Variants in NCKAP5 observed in about 807,000 individuals in gnomAD.
The protein encoded by NCKAP5 is nck-associated protein 5.
A neutral mutation model predicts 167.0 loss-of-function variants in NCKAP5; 92 were observed. The ratio of observed to expected loss-of-function variants is 0.55; its 90% confidence interval spans 0.47 to 0.66. The LOEUF (loss-of-function observed/expected upper bound fraction) is 0.66, where lower values mean the gene tolerates loss of function less well. Among genes scored for constraint, NCKAP5 ranks in the 30% least tolerant of loss-of-function variants. The pLI is 0.00. For synonymous variants in NCKAP5, 891 were observed against 877.4 expected (o/e 1.02, Z -0.27); for missense variants, 2,378 against 2,315.0 (o/e 1.03, Z -0.56).
chr2:133,349,028 C>G (rs371433056), intron 3 of NCKAP5, among the ~76,000 whole-genome samples: 4 of 152,220 alleles, frequency 2.6e-5, no homozygotes, highest in South Asian at 2.1e-4. Flanking sequence ...TTCCCAAAAG[C>G]AGCTTACTTT....
At chr2:133,670,960 A>C in the NCKAP5 span, among the ~76,000 whole-genome samples, 1 of 152,180 alleles carries the variant, frequency 6.6e-6, no homozygotes, top group South Asian at 2.1e-4. Flanking sequence ...TCACGCCTGT[A>C]ATCCCAGCAC....
Position 133,147,319 on chromosome 2 carries a change from TC to T in NCKAP5, c.208-17209del, listed in dbSNP as rs146109354. On this transcript the variant is annotated intron_variant, in intron 5 of 19. Coordinates refer to ENST00000409261, the MANE Select transcript of NCKAP5 (RefSeq NM_207363.3). ...CTAAAGCCCTGTCACGGGCACCGCA[TC>T]TTGCGTGCTAATGTTCTCTGGACTT... Among the ~76,000 whole-genome samples, 1,212 of 152,312 alleles carry T rather than the reference TC, an allele frequency of 8.0e-3. 19 individuals carry two copies. The highest frequency in any genetic ancestry group is 0.028 in the African/African-American group (1,157 of 41,568).
At chr2:133,656,388 C>T in the NCKAP5 span, among the ~76,000 whole-genome samples, 1 of 152,178 alleles carries the variant, frequency 6.6e-6, no homozygotes, top group Non-Finnish European at 1.5e-5. Flanking sequence ...CAATGCCTGA[C>T]ACTCGCTAAG....
chr2:132,786,910 C>T (rs1280162262), intron 13 of NCKAP5, among the ~76,000 whole-genome samples: 1 of 152,176 alleles, frequency 6.6e-6, no homozygotes, highest in East Asian at 1.9e-4. Context: ...GCTTGCAGTC[C>T]TAACTGATGC....
chr2:133,506,160 G>A (rs1682987950), intron 3 of NCKAP5, among the ~76,000 whole-genome samples: 1 of 152,220 alleles, frequency 6.6e-6, no homozygotes. Context: ...CAGGACTGTT[G>A]AAGAGAACAC....
chr2:133,596,768 T>C, the NCKAP5 span, among the ~76,000 whole-genome samples: 2 of 126,860 alleles, frequency 1.6e-5, no homozygotes, highest in African/African-American at 7.4e-5. Context: ...CTGGAGCTGT[T>C]ATGAAAAATA....
intron 6 of NCKAP5, among the ~76,000 whole-genome samples, chr2:133,005,127 C>T (rs1026125860): frequency 2.6e-5 from 4 of 152,082 alleles, no homozygotes; most frequent in East Asian, 1.9e-4. Context: ...ATCACAGGGT[C>T]CTGAGGCAAC....
the NCKAP5 span, among the ~76,000 whole-genome samples, chr2:133,605,547 G>A: frequency 6.6e-6 from 1 of 152,170 alleles, no homozygotes; most frequent in Admixed American, 6.5e-5. Flanking sequence ...TGCTAACTTG[G>A]TAGAATAGCT....
intron 3 of NCKAP5, among the ~76,000 whole-genome samples, chr2:133,512,718 GA>G (rs1683601754): frequency 6.6e-6 from 1 of 152,194 alleles, no homozygotes. Flanking sequence ...TTCCCTGGGA[GA>G]AAAAATTCAG....
chr2:133,311,286 C>T (rs1681212192), intron 3 of NCKAP5, among the ~76,000 whole-genome samples: 1 of 152,196 alleles, frequency 6.6e-6, no homozygotes, highest in African/African-American at 2.4e-5. Flanking sequence ...TAGGTTTACC[C>T]ATTTATTGTA....
chr2:133,586,019 G>A, the NCKAP5 span, among the ~76,000 whole-genome samples: 1 of 152,206 alleles, frequency 6.6e-6, no homozygotes, highest in Non-Finnish European at 1.5e-5. Flanking sequence ...CTTTGTAAGG[G>A]TCTGGGATTA....
intron 2 of NCKAP5, among the ~76,000 whole-genome samples, chr2:133,532,986 T>C (rs979307059): frequency 6.6e-6 from 1 of 152,226 alleles, no homozygotes; most frequent in African/African-American, 2.4e-5. Context: ...TTGATTCTCT[T>C]ACATAATCAG....
chr2:132,697,324 T>C (rs935953488), intron 19 of NCKAP5, among the ~76,000 whole-genome samples: 7 of 152,208 alleles, frequency 4.6e-5, no homozygotes, highest in Admixed American at 3.3e-4. Flanking sequence ...GCCACTTGAG[T>C]TTACATCATA....
intron 2 of NCKAP5, among the ~76,000 whole-genome samples, chr2:133,534,151 C>A (rs949078731): frequency 1.6e-4 from 24 of 152,150 alleles, no homozygotes; most frequent in African/African-American, 5.8e-4. Flanking sequence ...GGTTCCATAA[C>A]TACCTGTATA....
intron 19 of NCKAP5, among the ~76,000 whole-genome samples, chr2:132,692,181 T>C (rs189696789): frequency 2.0e-3 from 306 of 150,558 alleles, no homozygotes; most frequent in African/African-American, 7.3e-3. Context: ...CTCACTCTAT[T>C]GCCCAGGCTG....
intron 3 of NCKAP5, among the ~76,000 whole-genome samples, chr2:133,428,359 G>A (rs1322448952): frequency 5.3e-5 from 8 of 152,082 alleles, no homozygotes; most frequent in Non-Finnish European, 1.0e-4. Flanking sequence ...TTTCAGATGA[G>A]TAAGAAAATC....
intron 8 of NCKAP5, chr2:132,931,240 C>T (rs1343656660): frequency 6.6e-6 from 1 of 152,232 alleles, no homozygotes; most frequent in East Asian, 1.9e-4. Flanking sequence ...ACTTCTGTAT[C>T]TGAGTGATTG....
chr2:132,674,532 C>G (rs1175660472), intron 19 of NCKAP5, among the ~76,000 whole-genome samples: 1 of 152,248 alleles, frequency 6.6e-6, no homozygotes, highest in Non-Finnish European at 1.5e-5. Flanking sequence ...GCCAAACCGT[C>G]TCTAACATGT....
chr2:133,495,188 T>A (rs937687987), intron 3 of NCKAP5, among the ~76,000 whole-genome samples: 1 of 152,198 alleles, frequency 6.6e-6, no homozygotes, highest in Non-Finnish European at 1.5e-5. Flanking sequence ...TTGATTGATG[T>A]CTTATATCTC....
Sources: allele counts gnomAD v4.1 joint callset (sites outside exome capture counted in the v4.1 genomes callset), GRCh38; gene constraint gnomAD v4.1.1; transcripts MANE v1.5; gene names NCBI Gene and HGNC (gene_info 2026-07-23, HGNC 2026-07-21).